The following KCNAB1 variants were observed in gnomAD, a reference collection of about 807,000 sequenced individuals.
KCNAB1 encodes the protein voltage-gated potassium channel subunit beta-1.
In KCNAB1, 35 loss-of-function variants were observed where a neutral mutation model predicts 64.6. The observed-to-expected ratio is 0.54, with a 90% CI of 0.41 to 0.72. KCNAB1 has a LOEUF of 0.72. Among genes scored for constraint, KCNAB1 ranks in the 30% least tolerant of loss-of-function variants. The pLI is 0.00. For missense variants in KCNAB1, 401 were observed against 512.9 expected, an observed-to-expected ratio of 0.78 and a Z score of 2.11; for synonymous variants, 177 against 183.8, an observed-to-expected ratio of 0.96 and a Z score of 0.30.
chr3:156,143,346 T>A lies in KCNAB1; in HGVS notation c.275+22460T>A, dbSNP rs565077923. ...CCAGTGGAGCAGCCGAACAGAAATA[T>A]GTGGAAAAGTTTCTACGTGTTCATG... On this transcript the variant is annotated intron_variant, in intron 1 of 13. Transcript: ENST00000490337. The A allele has an allele frequency of 1.2e-4, 199 of 1,611,604 alleles. 3 individuals carry two copies. In the South Asian group the frequency reaches 2.0e-3, roughly 17 times the overall value.
At chr3:156,487,265 A>G (rs1559911082) in intron 8 of KCNAB1, among the ~76,000 whole-genome samples, 2 of 152,164 alleles carry the variant, frequency 1.3e-5, no homozygotes. Context: ...TTATACAAAG[A>G]CATCCCTCAT....
Position 156,221,812 on chromosome 3 carries a change from A to C in KCNAB1, c.275+100926A>C, listed in dbSNP as rs375132553. On this transcript the variant is annotated intron_variant, in intron 1 of 13. Transcript: ENST00000490337. ...AAAAAAAAAGTTTTGTGTCCAGCAA[A>C]ACTACGCTTCATAAATGAAGGAAAG... Among the ~76,000 whole-genome samples the C allele has an allele frequency of 2.0e-5, 3 of 148,990 alleles. No individual in the cohort carries two copies. The East Asian group carries it at 6.4e-4, about 32-fold the overall frequency.
At chr3:156,518,811 A>G (rs1284397785) in intron 11 of KCNAB1, among the ~76,000 whole-genome samples, 1 of 152,116 alleles carries the variant, frequency 6.6e-6, no homozygotes, top group African/African-American at 2.4e-5. Flanking sequence ...ATCAGCTCTG[A>G]CTTCACTGCT....
chr3:156,339,159 C>G (rs2108061544), intron 1 of KCNAB1, among the ~76,000 whole-genome samples: 1 of 152,192 alleles, frequency 6.6e-6, no homozygotes, highest in South Asian at 2.1e-4. Flanking sequence ...GAAGTTTCCC[C>G]CTAGAGGAGG....
At chr3:156,437,308 T>C (rs531541614) in intron 2 of KCNAB1, among the ~76,000 whole-genome samples, 1 of 152,310 alleles carries the variant, frequency 6.6e-6, no homozygotes, top group African/African-American at 2.4e-5. Context: ...GTATTTTTGT[T>C]TGTCTTTGGA....
intron 12 of KCNAB1, among the ~76,000 whole-genome samples, chr3:156,527,862 A>C (rs558869177): frequency 1.3e-5 from 2 of 152,344 alleles, no homozygotes; most frequent in Admixed American, 1.3e-4. Context: ...CTGCTCCCCA[A>C]GTCACACAGG....
intron 2 of KCNAB1, among the ~76,000 whole-genome samples, chr3:156,443,194 C>T (rs1717130507): frequency 6.6e-6 from 1 of 152,096 alleles, no homozygotes; most frequent in Non-Finnish European, 1.5e-5. Context: ...TGATACTCTC[C>T]CTCTCACCGC....
At chr3:156,285,902 G>C (rs1173310209) in intron 1 of KCNAB1, among the ~76,000 whole-genome samples, 2 of 152,246 alleles carry the variant, frequency 1.3e-5, no homozygotes, top group African/African-American at 4.8e-5. Context: ...TGCTATATCA[G>C]AGTGTTCAAA....
intron 1 of KCNAB1, chr3:156,291,965 C>T: frequency 6.2e-7 from 1 of 1,614,046 alleles, no homozygotes; most frequent in Non-Finnish European, 8.5e-7. Context: ...TGGTGAGGAC[C>T]GACTTCTGAG....
chr3:156,131,950 G>C (rs754354021), intron 1 of KCNAB1, among the ~76,000 whole-genome samples: 1 of 152,156 alleles, frequency 6.6e-6, no homozygotes, highest in Admixed American at 6.5e-5. Context: ...ACCTGTAAGT[G>C]GTATCTGCAG....
At chr3:156,166,137 G>A (rs999903755) in intron 1 of KCNAB1, among the ~76,000 whole-genome samples, 27 of 152,198 alleles carry the variant, frequency 1.8e-4, no homozygotes, top group African/African-American at 6.3e-4. Context: ...AATATGCCAC[G>A]ATACACAGCA....
intron 12 of KCNAB1, 21 bp downstream of exon 12, chr3:156,523,968 TG>T: frequency 6.2e-7 from 1 of 1,611,118 alleles, no homozygotes; most frequent in Non-Finnish European, 8.5e-7. Context: ...TACTAAGCTA[TG>T]GGGTGGTAGA....
At chr3:156,270,446 G>A (rs1718966236) in intron 1 of KCNAB1, among the ~76,000 whole-genome samples, 1 of 150,934 alleles carries the variant, frequency 6.6e-6, no homozygotes, top group African/African-American at 2.4e-5. Context: ...TATTTTTTGT[G>A]TATCTGTTGT....
intron 1 of KCNAB1, chr3:156,292,157 G>C: frequency 6.2e-7 from 1 of 1,611,016 alleles, no homozygotes; most frequent in Non-Finnish European, 8.5e-7. Flanking sequence ...CTCTGTGCGG[G>C]GTATCCAGGT....
chr3:156,411,674 G>A (rs1347854705), intron 1 of KCNAB1, among the ~76,000 whole-genome samples: 1 of 152,098 alleles, frequency 6.6e-6, no homozygotes, highest in East Asian at 1.9e-4. Flanking sequence ...AACTGTACTT[G>A]TGTGGGGCTA....
At chr3:156,515,992 GA>G (rs143684783) in intron 10 of KCNAB1, among the ~76,000 whole-genome samples, 11,408 of 152,196 alleles carry the variant, frequency 0.075, 535 homozygotes, top group Middle Eastern at 0.19. Context: ...AATGGACAAG[GA>G]CAACAAAACT....
intron 7 of KCNAB1, among the ~76,000 whole-genome samples, chr3:156,473,545 C>T (rs952939519): frequency 6.6e-6 from 1 of 152,134 alleles, no homozygotes; most frequent in Admixed American, 6.5e-5. Flanking sequence ...AGGCATTAGA[C>T]CTCATAACAT....
intron 1 of KCNAB1, among the ~76,000 whole-genome samples, chr3:156,201,332 T>C (rs949441659): frequency 3.3e-5 from 5 of 152,212 alleles, no homozygotes; most frequent in African/African-American, 1.2e-4. Flanking sequence ...TTCAGATTAA[T>C]AGCAAAATTC....
chr3:156,486,620 C>T (rs1193378543), intron 8 of KCNAB1, among the ~76,000 whole-genome samples: 2 of 152,152 alleles, frequency 1.3e-5, no homozygotes, highest in African/African-American at 2.4e-5. Flanking sequence ...GAGTGCTGAC[C>T]TCCTGGGACT....
Sources: gnomAD v4.1 joint callset for allele counts (sites outside exome capture counted in the v4.1 genomes callset) on GRCh38, gnomAD v4.1.1 for gene constraint, MANE v1.5 for transcripts, NCBI Gene and HGNC (gene_info 2026-07-23, HGNC 2026-07-21) for gene names.